Variants in PDE4B observed in about 807,000 individuals in gnomAD.
PDE4B encodes the protein phosphodiesterase 4B.
In PDE4B, 20 loss-of-function variants were observed where a neutral mutation model predicts 82.2. That is an observed-to-expected ratio of 0.24 (90% CI 0.17 to 0.35). PDE4B has a LOEUF of 0.35. PDE4B is among the 10% of genes least tolerant of loss of function. The pLI, the probability that PDE4B is intolerant of heterozygous loss-of-function variation, is 1.00. For synonymous variants in PDE4B, 320 were observed against 318.9 expected (o/e 1.00, Z -0.04); for missense variants, 655 against 907.2 (o/e 0.72, Z 3.57).
At chr1:66,000,540 T>C (rs1651809798) in intron 3 of PDE4B, among the ~76,000 whole-genome samples, 1 of 152,156 alleles carries the variant, frequency 6.6e-6, no homozygotes, top group Non-Finnish European at 1.5e-5. Context: ...ACTAGGAGGT[T>C]GGGGACCTCT....
intron 3 of PDE4B, among the ~76,000 whole-genome samples, chr1:66,040,157 C>T (rs1400892974): frequency 2.6e-5 from 4 of 151,948 alleles, no homozygotes; most frequent in South Asian, 2.1e-4. Context: ...TCAATGAGGA[C>T]GACTATTGTA....
At chr1:66,178,030 TAA>T (rs200574451) in intron 3 of PDE4B, among the ~76,000 whole-genome samples, 14 of 141,818 alleles carry the variant, frequency 9.9e-5, no homozygotes, top group Non-Finnish European at 1.7e-4. Flanking sequence ...TACTATTCCT[TAA>T]AAAAAAAAAA....
chr1:65,991,344 G>A (rs528850626), intron 3 of PDE4B, among the ~76,000 whole-genome samples: 133 of 152,298 alleles, frequency 8.7e-4, no homozygotes, highest in African/African-American at 3.1e-3. Context: ...GCCTCCCAAA[G>A]TGTTGGGATT....
intron 3 of PDE4B, among the ~76,000 whole-genome samples, chr1:66,022,853 C>G (rs1653214878): frequency 6.6e-6 from 1 of 152,096 alleles, no homozygotes; most frequent in East Asian, 1.9e-4. Flanking sequence ...CCCTCTTTTT[C>G]TATTGATTGG....
intron 2 of PDE4B, among the ~76,000 whole-genome samples, chr1:65,914,225 G>A (rs1647130334): frequency 6.6e-6 from 1 of 152,052 alleles, no homozygotes; most frequent in South Asian, 2.1e-4. Context: ...TCACCCTATG[G>A]GCCCTGTGGT....
chr1:66,240,513 C>T (rs17128630), intron 3 of PDE4B, among the ~76,000 whole-genome samples: 7,352 of 152,178 alleles, frequency 0.048, 601 homozygotes, highest in African/African-American at 0.17. Flanking sequence ...CTGGATAGAG[C>T]GGACCTGCTG....
At chr1:66,084,331 G>A (rs560527422) in intron 3 of PDE4B, among the ~76,000 whole-genome samples, 39 of 152,164 alleles carry the variant, frequency 2.6e-4, no homozygotes, top group African/African-American at 8.7e-4. Flanking sequence ...CAAATCAATC[G>A]CTCATAAGCA....
At chr1:66,233,649 T>G (rs1024273574) in intron 3 of PDE4B, among the ~76,000 whole-genome samples, 2 of 152,114 alleles carry the variant, frequency 1.3e-5, no homozygotes, top group African/African-American at 2.4e-5. Context: ...TAATGTCAGC[T>G]GAAAGTTTTC....
intron 3 of PDE4B, among the ~76,000 whole-genome samples, chr1:65,960,931 C>G (rs2100596607): frequency 6.6e-6 from 1 of 152,226 alleles, no homozygotes; most frequent in South Asian, 2.1e-4. Flanking sequence ...CATGTATCAA[C>G]TTAGCTCAAA....
chr1:65,874,432 T>C (rs1265102560), intron 1 of PDE4B, among the ~76,000 whole-genome samples: 8 of 152,184 alleles, frequency 5.3e-5, no homozygotes, highest in African/African-American at 1.9e-4. Context: ...CTAATTGCCC[T>C]GGCCAGAACT....
Position 66,051,916 on chromosome 1 carries a change from A to G in PDE4B, c.281+133081A>G, listed in dbSNP as rs904921318. 5.3e-5 allele frequency among the ~76,000 whole-genome samples: 8 copies of G among 152,142 alleles called. 1 individual carries two copies. The highest frequency in any genetic ancestry group is 1.0e-4 in the Non-Finnish European group (7 of 68,030). On this transcript the variant is annotated intron_variant, in intron 3 of 16. Transcript: ENST00000341517. ...CTGCCTTTTTATCCAAAGTCATACT[A>G]TTCACTCCTTAGGGCAGCCTACTTT...
rs1661679016 is a variant in PDE4B, at chr1:66,349,701, G to C, written c.748-5826G>C. ...TTTCAAATGATTGGTAGAGTTTATA[G>C]GGAAACACAAAAAGGAGGGAAGAGA... On this transcript the variant is annotated intron_variant, in intron 8 of 16. Transcript: ENST00000341517. Among the ~76,000 whole-genome samples the C allele has an allele frequency of 2.0e-5, 3 of 152,226 alleles. No homozygotes were observed. In the South Asian group the frequency reaches 6.2e-4, roughly 32 times the overall value.
intron 3 of PDE4B, among the ~76,000 whole-genome samples, chr1:65,953,032 T>C (rs1649084911): frequency 6.6e-6 from 1 of 152,114 alleles, no homozygotes; most frequent in Admixed American, 6.5e-5. Context: ...CTTTGGAATT[T>C]AGAGGCAACC....
chr1:66,273,097 T>C (rs1191881268), intron 7 of PDE4B, among the ~76,000 whole-genome samples: 2 of 152,186 alleles, frequency 1.3e-5, no homozygotes, highest in African/African-American at 4.8e-5. Flanking sequence ...CATTATTTTC[T>C]TCTTTAGCTA....
intron 13 of PDE4B, among the ~76,000 whole-genome samples, chr1:66,366,327 G>A (rs1488004733): frequency 6.6e-6 from 1 of 152,176 alleles, no homozygotes; most frequent in Admixed American, 6.6e-5. Flanking sequence ...GCAATGACCT[G>A]AGTGACCAGG....
intron 1 of PDE4B, among the ~76,000 whole-genome samples, chr1:65,806,369 G>C (rs1043013741): frequency 6.6e-6 from 1 of 152,150 alleles, no homozygotes; most frequent in Non-Finnish European, 1.5e-5. Flanking sequence ...ACTGTAAACA[G>C]TGTTTTCTAA....
intron 3 of PDE4B, among the ~76,000 whole-genome samples, chr1:66,218,998 G>A (rs1007322054): frequency 1.7e-4 from 26 of 152,220 alleles, no homozygotes; most frequent in African/African-American, 6.0e-4. Flanking sequence ...GTATTTGATA[G>A]CATCAGTGTT....
intron 1 of PDE4B, among the ~76,000 whole-genome samples, chr1:65,796,117 G>A (rs1354621831): frequency 1.3e-5 from 2 of 152,158 alleles, no homozygotes; most frequent in Non-Finnish European, 2.9e-5. Context: ...TACACAATGC[G>A]TCATTTCTCT....
At chr1:66,115,334 G>A (rs1440508104) in intron 3 of PDE4B, among the ~76,000 whole-genome samples, 1 of 152,126 alleles carries the variant, frequency 6.6e-6, no homozygotes, top group African/African-American at 2.4e-5. Flanking sequence ...CTGAACATAA[G>A]CATTTTTTAA....
Sources: allele counts gnomAD v4.1 joint callset (sites outside exome capture counted in the v4.1 genomes callset), GRCh38; gene constraint gnomAD v4.1.1; transcripts MANE v1.5; gene names NCBI Gene and HGNC (gene_info 2026-07-23, HGNC 2026-07-21).